Variants in ZNF804A observed in about 807,000 individuals in gnomAD.
The protein encoded by ZNF804A is zinc finger protein 804A.
A neutral mutation model predicts 16.5 loss-of-function variants in ZNF804A; 2 were observed. That is an observed-to-expected ratio of 0.12 (90% CI 0.05 to 0.38). The LOEUF is 0.38. Ranked by LOEUF, ZNF804A falls within the 10% of genes least tolerant of loss-of-function variation. ZNF804A has a pLI of 0.99. For synonymous variants in ZNF804A, 534 were observed against 489.6 expected, an observed-to-expected ratio of 1.09 and a Z score of -1.20; for missense variants, 1,473 against 1,390.7, an observed-to-expected ratio of 1.06 and a Z score of -0.94.
At chr2:184,728,472 C>T (rs1217696035) in intron 1 of ZNF804A, among the ~76,000 whole-genome samples, 1 of 151,854 alleles carries the variant, frequency 6.6e-6, no homozygotes, top group African/African-American at 2.4e-5. Context: ...CAGCAATAGT[C>T]AGCAAATATC....
chr2:184,813,778 A>G (rs1022931454), intron 1 of ZNF804A, among the ~76,000 whole-genome samples: 7 of 151,974 alleles, frequency 4.6e-5, no homozygotes, highest in African/African-American at 1.7e-4. Flanking sequence ...AATCACCCCT[A>G]TGACAACCAT....
intron 2 of ZNF804A, among the ~76,000 whole-genome samples, chr2:184,911,241 G>T (rs1327297982): frequency 3.3e-5 from 5 of 151,732 alleles, no homozygotes; most frequent in African/African-American, 9.7e-5. Flanking sequence ...TTTCCCCATT[G>T]TTTATTTTTG....
intron 1 of ZNF804A, among the ~76,000 whole-genome samples, chr2:184,680,526 C>T (rs1327640997): frequency 2.0e-5 from 3 of 152,240 alleles, no homozygotes; most frequent in Non-Finnish European, 4.4e-5. Flanking sequence ...AGCCACCTGC[C>T]TGCAGAAAAG....
intron 1 of ZNF804A, among the ~76,000 whole-genome samples, chr2:184,792,334 T>C (rs1372569878): frequency 6.6e-6 from 1 of 152,192 alleles, no homozygotes; most frequent in Non-Finnish European, 1.5e-5. Flanking sequence ...AATTTGGTGT[T>C]GTCAATGTTT....
At chr2:184,766,493 G>T (rs904510692) in intron 1 of ZNF804A, among the ~76,000 whole-genome samples, 1 of 151,834 alleles carries the variant, frequency 6.6e-6, no homozygotes, top group African/African-American at 2.4e-5. Context: ...TGAGGCTTCT[G>T]TTTTAGAGTG....
chr2:184,859,267 A>G (rs956476875), intron 1 of ZNF804A, among the ~76,000 whole-genome samples: 3 of 152,030 alleles, frequency 2.0e-5, no homozygotes, highest in Non-Finnish European at 4.4e-5. Context: ...GCTGTTCAAT[A>G]AATTCCATAA....
chr2:184,774,544 G>T (rs117811173), intron 1 of ZNF804A, among the ~76,000 whole-genome samples: 6 of 151,680 alleles, frequency 4.0e-5, no homozygotes, highest in Admixed American at 6.6e-5. Context: ...TGTGAAAGGG[G>T]GGTCTTCCAT....
intron 2 of ZNF804A, among the ~76,000 whole-genome samples, chr2:184,906,196 A>C (rs1364029534): frequency 2.0e-5 from 3 of 152,204 alleles, no homozygotes; most frequent in Non-Finnish European, 4.4e-5. Context: ...CAGGAGGTTA[A>C]GTTGCCCCTG....
At chr2:184,935,052 T>G (rs1413587218) in intron 3 of ZNF804A, among the ~76,000 whole-genome samples, 3 of 152,180 alleles carry the variant, frequency 2.0e-5, no homozygotes, top group Admixed American at 1.3e-4. Context: ...TTAGGGTTTC[T>G]TATATTTATG....
At chr2:184,666,228 T>C (rs952581322) in intron 1 of ZNF804A, among the ~76,000 whole-genome samples, 1 of 152,286 alleles carries the variant, frequency 6.6e-6, no homozygotes, top group Middle Eastern at 3.4e-3. Context: ...GAATGCAGTG[T>C]ACTTTTTTAT....
chr2:184,789,178 G>T (rs1041161006), intron 1 of ZNF804A, among the ~76,000 whole-genome samples: 1 of 151,966 alleles, frequency 6.6e-6, no homozygotes, highest in African/African-American at 2.4e-5. Context: ...TTGCATTCCT[G>T]GAATAAGCCC....
At chr2:184,609,761 G>A (rs542969856) in intron 1 of ZNF804A, among the ~76,000 whole-genome samples, 1 of 152,210 alleles carries the variant, frequency 6.6e-6, no homozygotes, top group Non-Finnish European at 1.5e-5. Context: ...TCTCCCAAAG[G>A]CTTCATCTTC....
At chr2:184,696,116 A>G (rs778498543) in intron 1 of ZNF804A, among the ~76,000 whole-genome samples, 1 of 152,198 alleles carries the variant, frequency 6.6e-6, no homozygotes, top group Non-Finnish European at 1.5e-5. Context: ...TTAGCGGAAT[A>G]TGATACATAC....
intron 1 of ZNF804A, among the ~76,000 whole-genome samples, chr2:184,634,116 A>G (rs1245494964): frequency 6.6e-6 from 1 of 152,204 alleles, no homozygotes; most frequent in Non-Finnish European, 1.5e-5. Flanking sequence ...TATTCAATAT[A>G]TCAGTTGCTA....
At chr2:184,601,918 C>T (rs1182985497) in intron 1 of ZNF804A, among the ~76,000 whole-genome samples, 2 of 151,746 alleles carry the variant, frequency 1.3e-5, no homozygotes, top group Admixed American at 6.6e-5. Flanking sequence ...TCAAAAAAAT[C>T]ACAGGATTAA....
chr2:184,882,605 G>T (rs1397665850), intron 2 of ZNF804A, among the ~76,000 whole-genome samples: 2 of 151,906 alleles, frequency 1.3e-5, no homozygotes, highest in African/African-American at 2.4e-5. Flanking sequence ...ACAAAATAGT[G>T]AAATAAAAAT....
intron 1 of ZNF804A, among the ~76,000 whole-genome samples, chr2:184,703,773 T>G (rs1431241421): frequency 6.6e-6 from 1 of 151,672 alleles, no homozygotes; most frequent in African/African-American, 2.4e-5. Context: ...AGAAGAGCTG[T>G]ATATTTTGAA....
chr2:184,819,049 C>T (rs1695030460), intron 1 of ZNF804A, among the ~76,000 whole-genome samples: 2 of 151,940 alleles, frequency 1.3e-5, no homozygotes, highest in South Asian at 4.2e-4. Flanking sequence ...TTCAACTCAC[C>T]TCTAGATCAA....
intron 1 of ZNF804A, among the ~76,000 whole-genome samples, chr2:184,719,214 A>C (rs934870971): frequency 6.6e-6 from 1 of 152,240 alleles, no homozygotes; most frequent in Admixed American, 6.5e-5. Context: ...CGGCTGGGGC[A>C]GCTGGGATGC....
Sources: allele counts gnomAD v4.1 joint callset (sites outside exome capture counted in the v4.1 genomes callset), GRCh38; gene constraint gnomAD v4.1.1; transcripts MANE v1.5; gene names NCBI Gene and HGNC (gene_info 2026-07-23, HGNC 2026-07-21).